SND1: variants seen among roughly 807,000 people sequenced by gnomAD.
SND1 encodes staphylococcal nuclease domain-containing protein 1.
Under a neutral mutation model 121.7 loss-of-function variants are expected in SND1, and 38 were observed. The ratio of observed to expected loss-of-function variants is 0.31; its 90% CI spans 0.24 to 0.41. The LOEUF (loss-of-function observed/expected upper bound fraction) is 0.41, where lower values mean the gene tolerates loss of function less well. Ranked by LOEUF, SND1 falls within the 10% of genes least tolerant of loss-of-function variation. The pLI, the probability that SND1 is intolerant of heterozygous loss-of-function variation, is 1.00. For missense variants in SND1, 868 were observed against 1,184.6 expected (o/e 0.73, Z 3.92); for synonymous variants, 401 against 447.4 (o/e 0.90, Z 1.31).
chr7:127,841,915 C>T (rs1798973038), intron 11 of SND1, among the ~76,000 whole-genome samples: 1 of 152,144 alleles, frequency 6.6e-6, no homozygotes, highest in South Asian at 2.1e-4. Context: ...TGTTGTTGTG[C>T]TATGACCATA....
chr7:127,900,647 A>T (rs1800210963), intron 13 of SND1, among the ~76,000 whole-genome samples: 1 of 152,206 alleles, frequency 6.6e-6, no homozygotes. Context: ...CAGTGGTCTG[A>T]ATAGAGTTCA....
chr7:127,723,034 C>A (rs1284065881), intron 10 of SND1, among the ~76,000 whole-genome samples: 4 of 152,216 alleles, frequency 2.6e-5, no homozygotes, highest in African/African-American at 9.6e-5. Context: ...GTTCCCACAG[C>A]AACCACAACT....
intron 1 of SND1, among the ~76,000 whole-genome samples, chr7:127,664,236 A>G (rs1805211968): frequency 6.6e-6 from 1 of 152,112 alleles, no homozygotes; most frequent in African/African-American, 2.4e-5. Context: ...TTGACCTCCC[A>G]AAGTGTTGGG....
At chr7:127,819,761 T>A (rs1257199822) in intron 11 of SND1, among the ~76,000 whole-genome samples, 2 of 152,226 alleles carry the variant, frequency 1.3e-5, no homozygotes, top group Non-Finnish European at 2.9e-5. Context: ...TTGCATTGAT[T>A]GGACTACTTT....
chr7:127,764,554 A>G lies in SND1; in HGVS notation c.1153-42930A>G, dbSNP rs74545520. Among the ~76,000 whole-genome samples, 217 of 152,346 alleles carry G rather than the reference A, an allele frequency of 1.4e-3. 8 individuals carry two copies. In the East Asian group the frequency reaches 0.039, roughly 28 times the overall value. On this transcript the variant is annotated intron_variant, in intron 10 of 23. Transcript: ENST00000354725. ...AGAGTAGAGTAACAAAACCAAACCA[A>G]ATCAGAACTTTGACACCGATGTGGC...
intron 15 of SND1, among the ~76,000 whole-genome samples, chr7:127,959,295 T>C (rs1185382712): frequency 6.6e-6 from 1 of 152,194 alleles, no homozygotes; most frequent in African/African-American, 2.4e-5. Context: ...CTTAGGAGTG[T>C]TTCCCTGGCA....
chr7:127,674,856 C>CT (rs1222408516), intron 1 of SND1, among the ~76,000 whole-genome samples: 1 of 152,098 alleles, frequency 6.6e-6, no homozygotes, highest in Non-Finnish European at 1.5e-5. Flanking sequence ...AAATAAAGTA[C>CT]TTTTAAAAAT....
chr7:127,828,628 T>TCTTG (rs1021300908), intron 11 of SND1, among the ~76,000 whole-genome samples: 4 of 152,214 alleles, frequency 2.6e-5, no homozygotes, highest in Non-Finnish European at 5.9e-5. Context: ...TGTTCTTCTT[T>TCTTG]CTTGTAGAGT....
At chr7:127,993,520 A>G (rs770583311) in intron 16 of SND1, among the ~76,000 whole-genome samples, 97 of 152,210 alleles carry the variant, frequency 6.4e-4, no homozygotes, top group Non-Finnish European at 1.6e-4. Flanking sequence ...GGCAGCCTCT[A>G]TCTTGCCCAC....
At chr7:127,766,619 C>CA (rs1425926634) in intron 10 of SND1, among the ~76,000 whole-genome samples, 2 of 151,418 alleles carry the variant, frequency 1.3e-5, no homozygotes, top group African/African-American at 4.8e-5. Flanking sequence ...ACTAAAAATA[C>CA]AAAAAATTAG....
intron 12 of SND1, among the ~76,000 whole-genome samples, chr7:127,885,984 C>T (rs1271737106): frequency 6.6e-6 from 1 of 152,088 alleles, no homozygotes; most frequent in African/African-American, 2.4e-5. Context: ...TTAGTGACAA[C>T]CTTAGTTTAA....
rs548200569 is a variant in SND1, at chr7:127,985,291, C to CT, written c.1670-5654dup. 6.0e-4 allele frequency among the ~76,000 whole-genome samples: 91 copies of CT among 152,300 alleles called. 1 individual carries two copies. The highest frequency in any genetic ancestry group is 2.0e-3 in the Admixed American group (30 of 15,300). On this transcript the variant is annotated intron_variant, in intron 15 of 23. Coordinates refer to ENST00000354725, the MANE Select transcript of SND1 (RefSeq NM_014390.4). Reference sequence around the variant, plus strand: ...CAATAGCTTCCTAGCCATACATGCACTTCTAGCCCGGGCTAGAGTGCAGTG... The same window carrying CT: ...CAATAGCTTCCTAGCCATACATGCACTTTCTAGCCCGGGCTAGAGTGCAGTG...
chr7:127,880,216 C>T (rs1051200307), intron 12 of SND1, among the ~76,000 whole-genome samples: 2 of 152,080 alleles, frequency 1.3e-5, no homozygotes, highest in South Asian at 2.1e-4. Flanking sequence ...GTAATTAGAT[C>T]GACTGGCTAT....
chr7:127,937,504 C>G (rs1053662523), intron 15 of SND1, among the ~76,000 whole-genome samples: 3 of 152,088 alleles, frequency 2.0e-5, no homozygotes, highest in Non-Finnish European at 4.4e-5. Context: ...CTCTCTCCCT[C>G]TCCCTCCCTT....
intron 2 of SND1, among the ~76,000 whole-genome samples, chr7:127,693,407 C>G (rs575895677): frequency 4.6e-5 from 7 of 152,210 alleles, no homozygotes; most frequent in East Asian, 1.9e-4. Context: ...CTTTAAGAAC[C>G]CTTACTGAGG....
chr7:128,020,597 G>A (rs1803327001), intron 16 of SND1, among the ~76,000 whole-genome samples: 2 of 152,202 alleles, frequency 1.3e-5, no homozygotes, highest in Admixed American at 6.5e-5. Flanking sequence ...TAGGAACCAT[G>A]AACCTGTGTT....
At chr7:127,974,795 A>C (rs1802075899) in intron 15 of SND1, among the ~76,000 whole-genome samples, 4 of 152,116 alleles carry the variant, frequency 2.6e-5, no homozygotes. Flanking sequence ...AATTTGCCTC[A>C]CCGCTCCCCC....
Position 127,694,892 on chromosome 7 carries a change from C to T in SND1, c.293C>T (p.Thr98Met), listed in dbSNP as rs1003463741. The change falls in exon 3 of 24, where the codon ACG (threonine) becomes ATG (methionine). Residue 98 changes from threonine (T) to methionine (M), a missense_variant. Coordinates refer to ENST00000354725, the MANE Select transcript of SND1 (RefSeq NM_014390.4). ...KKLIGKEVCF[T>M]IENKTPQGRE... is the part of the protein sequence containing the mutation. Reference sequence around the variant, plus strand: ...CTGATTGGGAAGGAAGTCTGTTTCACGATAGAAAACAAGACTCCCCAGGGG... The same window carrying T: ...CTGATTGGGAAGGAAGTCTGTTTCATGATAGAAAACAAGACTCCCCAGGGG... The T allele has an allele frequency of 8.7e-6, 14 of 1,613,772 alleles. No homozygotes were observed. The highest frequency in any genetic ancestry group is 1.6e-4 in the Middle Eastern group (1 of 6,062).
At chr7:128,018,804 A>G (rs1435743788) in intron 16 of SND1, among the ~76,000 whole-genome samples, 2 of 152,190 alleles carry the variant, frequency 1.3e-5, no homozygotes, top group East Asian at 3.9e-4. Context: ...ATTAGCTTTC[A>G]TCACAGATTT....
Sources: allele counts gnomAD v4.1 joint callset (sites outside exome capture counted in the v4.1 genomes callset), GRCh38; gene constraint gnomAD v4.1.1; transcripts MANE v1.5; gene names NCBI Gene and HGNC (gene_info 2026-07-23, HGNC 2026-07-21).